SEMA3A: variants seen among roughly 807,000 people sequenced by gnomAD.
The protein encoded by SEMA3A is semaphorin-3A.
Under a neutral mutation model 97.9 loss-of-function variants are expected in SEMA3A, and 29 were observed. That is an observed-to-expected ratio of 0.30 (90% CI 0.22 to 0.40). The LOEUF is 0.40. SEMA3A is among the 10% of genes least tolerant of loss of function. The pLI is 1.00. For synonymous variants in SEMA3A, 321 were observed against 323.7 expected (o/e 0.99, Z 0.09); for missense variants, 763 against 951.3 (o/e 0.80, Z 2.60).
intron 1 of SEMA3A, among the ~76,000 whole-genome samples, chr7:84,193,661 A>G (rs1300840608): frequency 6.6e-6 from 1 of 152,112 alleles, no homozygotes; most frequent in Non-Finnish European, 1.5e-5. Context: ...ATCTAAGCAA[A>G]TGTGGAACAA....
chr7:84,368,133 T>C (rs1000683824), intron 2 of SEMA3A, among the ~76,000 whole-genome samples: 2 of 151,180 alleles, frequency 1.3e-5, no homozygotes, highest in African/African-American at 4.8e-5. Flanking sequence ...AGATAACCCA[T>C]GGTATTTCTA....
chr7:84,164,416 T>G (rs1337412494), intron 1 of SEMA3A, among the ~76,000 whole-genome samples: 1 of 152,178 alleles, frequency 6.6e-6, no homozygotes, highest in Non-Finnish European at 1.5e-5. Flanking sequence ...AGTGGCTGAG[T>G]AAACATTTCT....
intron 1 of SEMA3A, among the ~76,000 whole-genome samples, chr7:84,404,768 C>A (rs1804022870): frequency 1.3e-5 from 2 of 152,070 alleles, no homozygotes; most frequent in Non-Finnish European, 2.9e-5. Flanking sequence ...GAATTTTCAA[C>A]CCAGAATTTC....
chr7:84,329,088 T>G (rs947521090), intron 2 of SEMA3A, among the ~76,000 whole-genome samples: 1 of 151,870 alleles, frequency 6.6e-6, no homozygotes, highest in Non-Finnish European at 1.5e-5. Flanking sequence ...ATCATCTACA[T>G]TAAAACCTGG....
intron 3 of SEMA3A, among the ~76,000 whole-genome samples, chr7:84,307,040 TC>T (rs200727261): frequency 6.6e-6 from 1 of 151,344 alleles, no homozygotes; most frequent in Non-Finnish European, 1.5e-5. Context: ...TGGAGCCCTC[TC>T]ATCTACCCAA....
intron 2 of SEMA3A, among the ~76,000 whole-genome samples, chr7:84,352,337 G>T (rs1445696918): frequency 6.6e-6 from 1 of 150,624 alleles, no homozygotes; most frequent in Non-Finnish European, 1.5e-5. Flanking sequence ...AGTGATTATG[G>T]TCAAATATAG....
intron 1 of SEMA3A, among the ~76,000 whole-genome samples, chr7:84,406,765 A>G (rs1249254096): frequency 6.6e-6 from 1 of 151,972 alleles, no homozygotes; most frequent in African/African-American, 2.4e-5. Context: ...ATCAATAAAC[A>G]TAATCCAGCA....
Position 84,283,342 on chromosome 7 carries a change from T to A in SEMA3A, c.-83+23865A>T, listed in dbSNP as rs562692416. Among the ~76,000 whole-genome samples, 6 of 152,218 alleles carry A rather than the reference T, an allele frequency of 3.9e-5. 1 individual carries two copies. In the South Asian group the frequency reaches 1.2e-3, roughly 32 times the overall value. On this transcript the variant is annotated intron_variant, in intron 3 of 3. Transcript: ENST00000424555. ...GGGTTGGAACTTCTAAAGTAATGTA[T>A]CAAGTCAAATCTCATCAAACCTGCA...
At chr7:84,462,234 T>C (rs1562955572) in intron 1 of SEMA3A, among the ~76,000 whole-genome samples, 1 of 152,244 alleles carries the variant, frequency 6.6e-6, no homozygotes, top group East Asian at 1.9e-4. Flanking sequence ...TTCTGAGGAA[T>C]TAAAAAAAGA....
intron 4 of SEMA3A, among the ~76,000 whole-genome samples, chr7:84,069,649 C>T (rs954270247): frequency 3.3e-5 from 5 of 151,930 alleles, no homozygotes; most frequent in African/African-American, 1.2e-4. Context: ...CATTATTTTT[C>T]TAATATGAGA....
At chr7:84,086,589 TTATATTATATTTATA>T (rs1794378141) in intron 4 of SEMA3A, among the ~76,000 whole-genome samples, 1 of 53,358 alleles carries the variant, frequency 1.9e-5, no homozygotes, top group African/African-American at 3.6e-5. Context: ...TAATATATTA[TTATATTATATTTATA>T]ATCCTCACAA....
intron 5 of SEMA3A, among the ~76,000 whole-genome samples, chr7:84,055,889 T>C (rs1017801805): frequency 2.0e-5 from 3 of 152,238 alleles, no homozygotes; most frequent in East Asian, 1.9e-4. Context: ...GCTGTTCACA[T>C]ATACTAAGCC....
At chr7:83,974,910 A>G (rs1789078641) in intron 15 of SEMA3A, among the ~76,000 whole-genome samples, 1 of 152,094 alleles carries the variant, frequency 6.6e-6, no homozygotes, top group Non-Finnish European at 1.5e-5. Context: ...CCCTCCCCCA[A>G]AAGACCCTGT....
intron 1 of SEMA3A, among the ~76,000 whole-genome samples, chr7:84,446,407 T>C (rs1805415966): frequency 6.6e-6 from 1 of 152,130 alleles, no homozygotes; most frequent in South Asian, 2.1e-4. Context: ...TGAATACTGA[T>C]GCAAACATTC....
At chr7:84,232,273 T>C (rs1002510036) in intron 3 of SEMA3A, among the ~76,000 whole-genome samples, 1 of 147,944 alleles carries the variant, frequency 6.8e-6, no homozygotes, top group Non-Finnish European at 1.5e-5. Context: ...TATTATATTT[T>C]ATTATATAAA....
At chr7:84,440,057 G>GT (rs963531202) in intron 1 of SEMA3A, among the ~76,000 whole-genome samples, 1 of 152,174 alleles carries the variant, frequency 6.6e-6, no homozygotes, top group African/African-American at 2.4e-5. Flanking sequence ...AAAGAAACAA[G>GT]TAAGTGAGAA....
At chr7:83,964,405 T>C (rs1304467713) in intron 15 of SEMA3A, among the ~76,000 whole-genome samples, 2 of 152,222 alleles carry the variant, frequency 1.3e-5, no homozygotes, top group African/African-American at 4.8e-5. Flanking sequence ...TAAAAAATGT[T>C]TTCCCCTTTT....
At chr7:84,346,452 T>G (rs1426556894) in intron 2 of SEMA3A, among the ~76,000 whole-genome samples, 2 of 152,188 alleles carry the variant, frequency 1.3e-5, no homozygotes, top group African/African-American at 4.8e-5. Flanking sequence ...ATTTATAGCT[T>G]TTTATTTAAA....
intron 9 of SEMA3A, among the ~76,000 whole-genome samples, chr7:84,008,823 A>G (rs1790770341): frequency 6.6e-6 from 1 of 152,154 alleles, no homozygotes; most frequent in African/African-American, 2.4e-5. Flanking sequence ...GTAAACCTTA[A>G]TAAATACTTA....
Sources: gnomAD v4.1 joint callset for allele counts (sites outside exome capture counted in the v4.1 genomes callset) on GRCh38, gnomAD v4.1.1 for gene constraint, MANE v1.5 for transcripts, NCBI Gene and HGNC (gene_info 2026-07-23, HGNC 2026-07-21) for gene names.